Variants in IQCM observed in about 807,000 individuals in gnomAD.
IQCM encodes the protein IQ domain-containing protein M.
Under a neutral mutation model 57.6 loss-of-function variants are expected in IQCM, and 45 were observed. That is an observed-to-expected ratio of 0.78 (90% CI 0.62 to 1.00). The LOEUF is 1.00. Among genes scored for constraint, IQCM ranks in the 50% least tolerant of loss-of-function variants. The pLI, the probability that IQCM is intolerant of heterozygous loss-of-function variation, is 0.00. For missense variants in IQCM, 468 were observed against 511.6 expected (o/e 0.91, Z 0.82); for synonymous variants, 148 against 158.9 (o/e 0.93, Z 0.51).
At chr4:149,475,449 C>A (rs1740078898) in intron 12 of IQCM, among the ~76,000 whole-genome samples, 1 of 152,074 alleles carries the variant, frequency 6.6e-6, no homozygotes, top group South Asian at 2.1e-4. Flanking sequence ...ATTGAATAGG[C>A]AGATACATAT....
chr4:149,614,265 A>T (rs1237598037), intron 8 of IQCM, among the ~76,000 whole-genome samples: 2 of 152,160 alleles, frequency 1.3e-5, no homozygotes, highest in Non-Finnish European at 2.9e-5. Context: ...CAAGCATCAA[A>T]GTTAGGCAAA....
chr4:149,578,673 T>C (rs1025635907), intron 9 of IQCM, among the ~76,000 whole-genome samples: 1 of 151,856 alleles, frequency 6.6e-6, no homozygotes, highest in Non-Finnish European at 1.5e-5. Context: ...ATAGGGACTT[T>C]AGATTATAGG....
At chr4:149,586,808 C>A (rs187590298) in intron 9 of IQCM, among the ~76,000 whole-genome samples, 1 of 151,596 alleles carries the variant, frequency 6.6e-6, no homozygotes, top group Admixed American at 6.6e-5. Flanking sequence ...TTATGAACAC[C>A]TTTTTTAAGT....
intron 13 of IQCM, among the ~76,000 whole-genome samples, chr4:149,399,130 T>C (rs1732437591): frequency 6.6e-6 from 1 of 152,102 alleles, no homozygotes; most frequent in African/African-American, 2.4e-5. Context: ...TGTAGTTTCA[T>C]ACTTATGAAT....
At chr4:149,637,327 T>C (rs1476051389) in intron 7 of IQCM, among the ~76,000 whole-genome samples, 1 of 152,052 alleles carries the variant, frequency 6.6e-6, no homozygotes, top group Non-Finnish European at 1.5e-5. Context: ...ATTTAATAAA[T>C]AGCATGTAAG....
intron 7 of IQCM, among the ~76,000 whole-genome samples, chr4:149,670,399 A>G (rs1022416473): frequency 2.0e-5 from 3 of 152,088 alleles, no homozygotes; most frequent in Non-Finnish European, 4.4e-5. Flanking sequence ...GGGTTTTCTA[A>G]ATATACAATC....
intron 2 of IQCM, among the ~76,000 whole-genome samples, chr4:149,788,583 T>G (rs778303394): frequency 6.6e-6 from 1 of 152,260 alleles, no homozygotes; most frequent in South Asian, 2.1e-4. Context: ...GAAAACAGTA[T>G]GGAGATTGCT....
rs3109935 is a variant in IQCM at position 149,619,107 on chromosome 4, G to T, written c.681+2022C>A. 2.8e-3 allele frequency among the ~76,000 whole-genome samples: 353 copies of T among 126,722 alleles called. 3 individuals are homozygous for T. The highest frequency in any genetic ancestry group is 6.7e-3 in the Admixed American group (86 of 12,828). The allele number at this position is 126,722 out of a possible 152,430, so 83.1% of individuals were successfully genotyped here. ...ATGACTGGATTAAAAATGTGGGATGGATATATATATATATATATATATATA... is the reference window on the plus strand; with the variant it reads ...ATGACTGGATTAAAAATGTGGGATGTATATATATATATATATATATATATA... On this transcript the variant is annotated intron_variant, in intron 8 of 13. Coordinates refer to ENST00000636793, the MANE Select transcript of IQCM (RefSeq NM_001363507.2).
chr4:149,439,306 C>T (rs1179815968), intron 12 of IQCM, among the ~76,000 whole-genome samples: 1 of 151,912 alleles, frequency 6.6e-6, no homozygotes, highest in Non-Finnish European at 1.5e-5. Flanking sequence ...TATTTTCATT[C>T]TGTATTTACT....
chr4:149,368,943 T>TAC lies in IQCM; in HGVS notation c.1391-16878_1391-16877insGT, dbSNP rs574334239. Among the ~76,000 whole-genome samples, 33 of 67,206 alleles carry TAC rather than the reference T, an allele frequency of 4.9e-4. 2 individuals carry two copies. Among genetic ancestry groups the TAC allele is most frequent in the African/African-American group, 1.6e-3 (31 of 19,542 alleles). 44.1% of individuals were successfully genotyped at this position (67,206 alleles called of 152,430 possible). A position where few individuals can be genotyped will look rare whatever the true frequency, so the allele number is the denominator to read the frequency against. On this transcript the variant is annotated intron_variant, in intron 13 of 13. Transcript: ENST00000636793. ...GTATATATATACACGTGTATATATA[T>TAC]GTGTATATATATACACGTGTATATA...
chr4:149,740,794 A>C (rs1042266406), intron 3 of IQCM, among the ~76,000 whole-genome samples: 3 of 152,110 alleles, frequency 2.0e-5, no homozygotes, highest in Non-Finnish European at 4.4e-5. Context: ...AAAACAAATA[A>C]AGGTCTGAAT....
At chr4:149,737,640 G>C (rs141639046) in intron 3 of IQCM, 1 of 152,266 alleles carries the variant, frequency 6.6e-6, no homozygotes, top group East Asian at 1.9e-4. Flanking sequence ...CTGAGGAATG[G>C]AGCCCGGTTC....
At chr4:149,644,425 T>A (rs954514096) in intron 7 of IQCM, among the ~76,000 whole-genome samples, 1 of 152,236 alleles carries the variant, frequency 6.6e-6, no homozygotes, top group Non-Finnish European at 1.5e-5. Flanking sequence ...TTATTTGAAT[T>A]TGATCTACCA....
intron 2 of IQCM, among the ~76,000 whole-genome samples, chr4:149,754,663 C>T (rs919408768): frequency 3.3e-5 from 5 of 152,136 alleles, no homozygotes; most frequent in African/African-American, 1.2e-4. Flanking sequence ...CTGTTACCTT[C>T]TCTTACTTCC....
intron 8 of IQCM, among the ~76,000 whole-genome samples, chr4:149,595,928 T>C (rs558735342): frequency 6.6e-5 from 10 of 152,292 alleles, no homozygotes; most frequent in African/African-American, 2.4e-4. Context: ...AAGATAATGC[T>C]GGTCACTTTG....
chr4:149,666,706 G>A (rs545163781), intron 7 of IQCM, among the ~76,000 whole-genome samples: 7 of 152,226 alleles, frequency 4.6e-5, no homozygotes, highest in African/African-American at 7.2e-5. Context: ...AGCACAGCAC[G>A]CTGAAGTTGA....
At chr4:149,455,580 A>C (rs981727672) in intron 12 of IQCM, among the ~76,000 whole-genome samples, 1 of 152,098 alleles carries the variant, frequency 6.6e-6, no homozygotes, top group Non-Finnish European at 1.5e-5. Context: ...CAAACTGAGC[A>C]CCTACTATGT....
At chr4:149,536,669 TTTCAC>T (rs1463171096) in intron 12 of IQCM, among the ~76,000 whole-genome samples, 2 of 151,992 alleles carry the variant, frequency 1.3e-5, no homozygotes, top group African/African-American at 4.8e-5. Context: ...CCACATTACT[TTTCAC>T]AGCACATATT....
At chr4:149,511,448 A>G (rs994031020) in intron 12 of IQCM, among the ~76,000 whole-genome samples, 2 of 151,920 alleles carry the variant, frequency 1.3e-5, no homozygotes, top group African/African-American at 4.8e-5. Context: ...AAATCACTTG[A>G]ACCCGGGAGG....
Sources: allele counts gnomAD v4.1 joint callset (sites outside exome capture counted in the v4.1 genomes callset), GRCh38; gene constraint gnomAD v4.1.1; transcripts MANE v1.5; gene names NCBI Gene and HGNC (gene_info 2026-07-23, HGNC 2026-07-21).